Variants in BNC2 observed in about 807,000 individuals in gnomAD.
BNC2 encodes zinc finger protein basonuclin-2.
Under a neutral mutation model 76.3 loss-of-function variants are expected in BNC2, and 20 were observed. The observed-to-expected ratio is 0.26, with a 90% CI of 0.18 to 0.38. The LOEUF (loss-of-function observed/expected upper bound fraction) is 0.38. Among genes scored for constraint, BNC2 ranks in the 10% least tolerant of loss-of-function variants. The pLI, the probability that BNC2 is intolerant of heterozygous loss-of-function variation, is 1.00. For missense variants in BNC2, 1,382 were observed against 1,399.8 expected (o/e 0.99, Z 0.20); for synonymous variants, 582 against 514.8 (o/e 1.13, Z -1.77).
Position 16,833,743 on chromosome 9 carries a change from A to C in BNC2, c.3+36903T>G, listed in dbSNP as rs1345456503. 2.0e-5 allele frequency among the ~76,000 whole-genome samples: 3 copies of C among 152,184 alleles called. No homozygotes were observed. The East Asian group carries it at 5.8e-4, about 29-fold the overall frequency. On this transcript the variant is annotated intron_variant, in intron 1 of 6. Transcript: ENST00000380672. ...CAAAGGGAATGACGGGTGGCTAAGC[A>C]AGCCCTTCAAGAAAATCATGTGAAC...
intron 1 of BNC2, among the ~76,000 whole-genome samples, chr9:16,862,584 G>C (rs1819437639): frequency 6.6e-6 from 1 of 152,198 alleles, no homozygotes; most frequent in Non-Finnish European, 1.5e-5. Context: ...CCAGTCACCT[G>C]CGTAGAGATA....
chr9:16,738,335 AGG>A, intron 2 of BNC2, 23 bp downstream of exon 2: 1 of 1,489,184 alleles, frequency 6.7e-7, no homozygotes, highest in Non-Finnish European at 8.9e-7. Context: ...AGTAACTTAA[AGG>A]GGGAAAAAAA....
intron 5 of BNC2, among the ~76,000 whole-genome samples, chr9:16,457,497 T>A (rs776392268): frequency 6.6e-6 from 1 of 152,148 alleles, no homozygotes; most frequent in Non-Finnish European, 1.5e-5. Context: ...AAGTGCACGC[T>A]TCCAGTGGTG....
At chr9:16,537,579 T>G (rs1818169558) in intron 5 of BNC2, among the ~76,000 whole-genome samples, 1 of 152,168 alleles carries the variant, frequency 6.6e-6, no homozygotes, top group Non-Finnish European at 1.5e-5. Context: ...AATTCTACCA[T>G]CTTGACTTTC....
At chr9:16,744,133 A>C (rs564107890) in intron 1 of BNC2, among the ~76,000 whole-genome samples, 1 of 151,124 alleles carries the variant, frequency 6.6e-6, no homozygotes. Flanking sequence ...CGCCCGGCTA[A>C]TTTTTTTTTG....
intron 5 of BNC2, among the ~76,000 whole-genome samples, chr9:16,492,123 CA>C: frequency 6.6e-6 from 1 of 151,720 alleles, no homozygotes; most frequent in Admixed American, 6.6e-5. Context: ...GGAGTCCTGA[CA>C]ATGTTTTTTT....
chr9:16,639,742 C>T (rs937850103), intron 3 of BNC2, among the ~76,000 whole-genome samples: 2 of 152,056 alleles, frequency 1.3e-5, no homozygotes, highest in African/African-American at 4.8e-5. Context: ...CACAGCAAGA[C>T]CTCCATCTCT....
In BNC2 at chr9:16,436,334, G is replaced by T. The variant is rs1297811139; in HGVS notation, c.1860C>A (p.Thr620=). The T allele has an allele frequency of 6.2e-6, 10 of 1,614,008 alleles. No homozygotes were observed. The highest frequency in any genetic ancestry group is 1.3e-5 in the African/African-American group (1 of 74,906). The change falls in exon 6 of 7, where the codon ACC becomes ACA. Residue 620 remains threonine (T), a synonymous_variant. Transcript: ENST00000380672. ...EPVVPAVMMA[T]HEPSADLAPK... ...GTGCCAGGTCAGCACTGGGCTCATG[G>T]GTGGCCATCATCACTGCTGGCACTA...
chr9:16,598,021 T>G (rs1316069629), intron 3 of BNC2, among the ~76,000 whole-genome samples: 1 of 152,118 alleles, frequency 6.6e-6, no homozygotes, highest in Non-Finnish European at 1.5e-5. Flanking sequence ...CCTATGTGCA[T>G]GCCTGAAGAG....
intron 1 of BNC2, among the ~76,000 whole-genome samples, chr9:16,856,516 C>T (rs1282744115): frequency 2.0e-5 from 3 of 152,100 alleles, no homozygotes; most frequent in African/African-American, 7.2e-5. Flanking sequence ...CAAAATGATT[C>T]TCCTGCCTCA....
chr9:16,525,172 T>C (rs574146634), intron 5 of BNC2, among the ~76,000 whole-genome samples: 3 of 152,142 alleles, frequency 2.0e-5, no homozygotes, highest in East Asian at 1.9e-4. Context: ...CTAGTTCACA[T>C]TGTTTTAAGG....
chr9:16,461,428 G>C (rs1438986502), intron 5 of BNC2, among the ~76,000 whole-genome samples: 1 of 152,154 alleles, frequency 6.6e-6, no homozygotes, highest in Non-Finnish European at 1.5e-5. Flanking sequence ...GCTGTGATAA[G>C]AGGCAAATAT....
At chr9:16,779,304 A>ATC (rs1826060826) in intron 1 of BNC2, among the ~76,000 whole-genome samples, 3 of 117,330 alleles carry the variant, frequency 2.6e-5, no homozygotes, top group African/African-American at 9.4e-5. Flanking sequence ...CCTCTCTCAA[A>ATC]AAAAAAAAAA....
intron 3 of BNC2, among the ~76,000 whole-genome samples, chr9:16,671,441 G>C (rs16934899): frequency 0.093 from 14,158 of 152,160 alleles, 794 homozygotes; most frequent in South Asian, 0.23. Context: ...AAAAGAACAG[G>C]CAGCCCATGG....
At chr9:16,575,766 G>T (rs983483406) in intron 4 of BNC2, among the ~76,000 whole-genome samples, 1 of 152,106 alleles carries the variant, frequency 6.6e-6, no homozygotes, top group African/African-American at 2.4e-5. Context: ...CTAAAACGAA[G>T]AAAAAAGTCC....
intron 5 of BNC2, among the ~76,000 whole-genome samples, chr9:16,497,878 G>A (rs1298477040): frequency 6.6e-6 from 1 of 151,696 alleles, no homozygotes; most frequent in Non-Finnish European, 1.5e-5. Context: ...TGTTTTCCAA[G>A]ATACTTGTAC....
chr9:16,540,668 T>C (rs1349651676), intron 5 of BNC2, among the ~76,000 whole-genome samples: 1 of 152,182 alleles, frequency 6.6e-6, no homozygotes, highest in Non-Finnish European at 1.5e-5. Flanking sequence ...AAATTCCATT[T>C]ATGTGATTTT....
At chr9:16,792,166 G>A (rs1334229981) in intron 1 of BNC2, among the ~76,000 whole-genome samples, 1 of 150,964 alleles carries the variant, frequency 6.6e-6, no homozygotes, top group Non-Finnish European at 1.5e-5. Context: ...TATGCACCAG[G>A]AACTATTTTA....
chr9:16,670,027 G>C (rs950736363), intron 3 of BNC2, among the ~76,000 whole-genome samples: 1 of 152,150 alleles, frequency 6.6e-6, no homozygotes, highest in Non-Finnish European at 1.5e-5. Flanking sequence ...TTAGAAGTTG[G>C]TTTCTGAAAC....
Sources: gnomAD v4.1 joint callset for allele counts (sites outside exome capture counted in the v4.1 genomes callset) on GRCh38, gnomAD v4.1.1 for gene constraint, MANE v1.5 for transcripts, NCBI Gene and HGNC (gene_info 2026-07-23, HGNC 2026-07-21) for gene names.